EPB41L3: variants seen among roughly 807,000 people sequenced by gnomAD.
EPB41L3 encodes erythrocyte membrane protein band 4.1 like 3.
EPB41L3 carries 57 observed loss-of-function variants against 127.1 expected under a neutral mutation model. That is an observed-to-expected ratio of 0.45 (90% confidence interval 0.36 to 0.56). The LOEUF (loss-of-function observed/expected upper bound fraction) is 0.56. Ranked by LOEUF, EPB41L3 falls within the 20% of genes least tolerant of loss-of-function variation. The pLI is 0.00. For missense variants in EPB41L3, 1,273 were observed against 1,372.2 expected, an observed-to-expected ratio of 0.93 and a Z score of 1.14; for synonymous variants, 572 against 549.5, an observed-to-expected ratio of 1.04 and a Z score of -0.57.
intron 3 of EPB41L3, among the ~76,000 whole-genome samples, chr18:5,575,853 A>G (rs2094332589): frequency 1.3e-5 from 2 of 152,158 alleles, no homozygotes; most frequent in South Asian, 4.1e-4. Flanking sequence ...AAAGCATCTA[A>G]TACAGCCTGC....
At chr18:5,399,038 G>A in intron 16 of EPB41L3, 1 of 399,170 alleles carries the variant, frequency 2.5e-6, no homozygotes, top group Non-Finnish European at 4.4e-6. Flanking sequence ...TGATCTTCAT[G>A]GACTCTGGTA....
At chr18:5,405,367 T>TA (rs2075197221) in intron 16 of EPB41L3, among the ~76,000 whole-genome samples, 1 of 152,178 alleles carries the variant, frequency 6.6e-6, no homozygotes, top group African/African-American at 2.4e-5. Flanking sequence ...AATACAATGC[T>TA]AAAAAAGATG....
In EPB41L3 at chr18:5,441,339, T is replaced by C. The variant is rs1055344254; in HGVS notation, c.529+2499A>G. 5.3e-5 allele frequency among the ~76,000 whole-genome samples: 8 copies of C among 152,214 alleles called. No homozygotes were observed. In the South Asian group the frequency reaches 6.2e-4, roughly 12 times the overall value. ...TATATTTTGGAAGTGGAGATGATGGTACAATAATTACATTAGATAAGGTAA... is the reference window on the plus strand; with the variant it reads ...TATATTTTGGAAGTGGAGATGATGGCACAATAATTACATTAGATAAGGTAA... On this transcript the variant is annotated intron_variant, in intron 5 of 22. Transcript: ENST00000341928.
intron 3 of EPB41L3, among the ~76,000 whole-genome samples, chr18:5,585,870 TTCTGCCAGTGGCTTCATCCC>T (rs942007328): frequency 3.9e-5 from 6 of 152,258 alleles, no homozygotes; most frequent in East Asian, 1.9e-4. Context: ...GGTGTCATGT[TTCTGCCAGTGGCTTCATCCC>T]TCTGCCAGTG....
At chr18:5,549,837 T>C (rs964685947) in intron 3 of EPB41L3, among the ~76,000 whole-genome samples, 3 of 152,094 alleles carry the variant, frequency 2.0e-5, no homozygotes, top group Non-Finnish European at 4.4e-5. Flanking sequence ...TTCATAGAAG[T>C]TGGAACCGAA....
At position 5,541,042 on chromosome 18, in the gene EPB41L3, A is replaced by G. The variant is rs528709075; in HGVS notation, c.-12+2871T>C. On this transcript the variant is annotated intron_variant, in intron 1 of 22. Transcript: ENST00000341928. ...GGAGCTTGCAGTGAGCCGAGATCGC[A>G]CCACTGCACTCCAGCCTGGGCGACA... Among the ~76,000 whole-genome samples the G allele has an allele frequency of 4.9e-3, 673 of 137,162 alleles. 4 individuals are homozygous for G. The highest frequency in any genetic ancestry group is 0.03 in the Middle Eastern group (7 of 232). 90.0% of individuals were successfully genotyped at this position (137,162 alleles called of 152,430 possible). A position where few individuals can be genotyped will look rare whatever the true frequency, so the allele number is the denominator to read the frequency against.
chr18:5,409,533 A>G (rs1254717314), intron 14 of EPB41L3, among the ~76,000 whole-genome samples: 1 of 152,156 alleles, frequency 6.6e-6, no homozygotes, highest in Non-Finnish European at 1.5e-5. Flanking sequence ...TTAAAAACTT[A>G]TGATTTTCAA....
intron 3 of EPB41L3, among the ~76,000 whole-genome samples, chr18:5,590,498 A>C (rs554286032): frequency 6.6e-6 from 1 of 152,258 alleles, no homozygotes; most frequent in African/African-American, 2.4e-5. Context: ...TTTCTTACAA[A>C]GTTCTCACCA....
chr18:5,528,345 T>A (rs118030055), intron 1 of EPB41L3, among the ~76,000 whole-genome samples: 3,307 of 151,932 alleles, frequency 0.022, 64 homozygotes, highest in East Asian at 0.092. Flanking sequence ...CTAATTTTTT[T>A]AAAAAATTTT....
At chr18:5,423,954 A>T (rs972478788) in intron 10 of EPB41L3, among the ~76,000 whole-genome samples, 64 of 152,308 alleles carry the variant, frequency 4.2e-4, no homozygotes, top group African/African-American at 1.4e-3. Context: ...GAAATCACTG[A>T]AATAGTAAGG....
intron 2 of EPB41L3, among the ~76,000 whole-genome samples, chr18:5,483,460 C>T (rs554401410): frequency 6.6e-6 from 1 of 151,952 alleles, no homozygotes; most frequent in South Asian, 2.1e-4. Context: ...AAACAGGCAG[C>T]AAAACAGCAG....
intron 11 of EPB41L3, among the ~76,000 whole-genome samples, chr18:5,420,920 T>C (rs868841922): frequency 6.6e-6 from 1 of 152,164 alleles, no homozygotes; most frequent in South Asian, 2.1e-4. Context: ...CACTAAAATA[T>C]CTTCACTAAG....
chr18:5,537,797 C>T (rs2093614769), intron 1 of EPB41L3, among the ~76,000 whole-genome samples: 1 of 152,026 alleles, frequency 6.6e-6, no homozygotes, highest in East Asian at 1.9e-4. Flanking sequence ...AGTCATCTTC[C>T]CAAGGCCAAA....
At chr18:5,404,732 C>A (rs184155290) in intron 16 of EPB41L3, among the ~76,000 whole-genome samples, 50 of 152,254 alleles carry the variant, frequency 3.3e-4, no homozygotes, top group South Asian at 2.3e-3. Flanking sequence ...TTCAAAGTGG[C>A]GATCACTTAG....
chr18:5,533,410 G>A (rs550675113), intron 1 of EPB41L3, among the ~76,000 whole-genome samples: 1 of 152,146 alleles, frequency 6.6e-6, no homozygotes, highest in African/African-American at 2.4e-5. Flanking sequence ...TCTCGGATAT[G>A]AGCATAGGAA....
At chr18:5,629,653 C>T (rs2094967729), upstream of EPB41L3, among the ~76,000 whole-genome samples, 2 of 152,188 alleles carry the variant, frequency 1.3e-5, no homozygotes, top group Non-Finnish European at 2.9e-5. Context: ...AGACTCCGCT[C>T]TCTGGGCTAG....
intron 9 of EPB41L3, among the ~76,000 whole-genome samples, chr18:5,426,403 T>A (rs568117931): frequency 1.3e-5 from 2 of 152,278 alleles, no homozygotes; most frequent in South Asian, 2.1e-4. Context: ...TCCTCTATCC[T>A]GTCTCTACGA....
At chr18:5,488,358 G>A (rs994094082) in intron 2 of EPB41L3, among the ~76,000 whole-genome samples, 21 of 151,322 alleles carry the variant, frequency 1.4e-4, no homozygotes, top group African/African-American at 4.9e-4. Flanking sequence ...AGTGGGAGTC[G>A]AACAATGAGA....
intron 1 of EPB41L3, among the ~76,000 whole-genome samples, chr18:5,500,754 T>G (rs1314767219): frequency 6.6e-6 from 1 of 152,202 alleles, no homozygotes; most frequent in Admixed American, 6.5e-5. Flanking sequence ...AATGAATGAA[T>G]GAACAGTCTG....
Sources: allele counts gnomAD v4.1 joint callset (sites outside exome capture counted in the v4.1 genomes callset), GRCh38; gene constraint gnomAD v4.1.1; transcripts MANE v1.5; gene names NCBI Gene and HGNC (gene_info 2026-07-23, HGNC 2026-07-21).